The following ELFN2 variants were observed in gnomAD, a reference collection of about 807,000 sequenced individuals.
ELFN2 encodes the protein extracellular leucine rich repeat and fibronectin type III domain containing 2, also known as protein phosphatase 1 regulatory subunit 29.
A neutral mutation model predicts 45.5 loss-of-function variants in ELFN2; 17 were observed. The observed-to-expected ratio is 0.37, with a 90% CI of 0.26 to 0.56. The LOEUF is 0.56. Among genes scored for constraint, ELFN2 ranks in the 20% least tolerant of loss-of-function variants. The pLI is 0.77. For missense variants in ELFN2, 922 were observed against 1,183.2 expected (o/e 0.78, Z 3.24); for synonymous variants, 550 against 551.5 (o/e 1.00, Z 0.04).
At chr22:37,413,938 C>A (rs567818035) in intron 2 of ELFN2, among the ~76,000 whole-genome samples, 1 of 152,350 alleles carries the variant, frequency 6.6e-6, no homozygotes, top group Admixed American at 6.5e-5. Context: ...GAAGACAGCA[C>A]TGGACCTCGA....
At chr22:37,349,493 C>T (rs995873184) in intron 1 of ELFN2, among the ~76,000 whole-genome samples, 18 of 151,358 alleles carry the variant, frequency 1.2e-4, no homozygotes, top group African/African-American at 4.3e-4. Context: ...AGCGTCTGCT[C>T]CCTCCTACAG....
chr22:37,401,725 C>T (rs1411608673), intron 2 of ELFN2, among the ~76,000 whole-genome samples: 2 of 152,210 alleles, frequency 1.3e-5, no homozygotes, highest in Non-Finnish European at 2.9e-5. Flanking sequence ...CCCGGCAGCC[C>T]TCCCTTTAAT....
At chr22:37,386,851 G>A (rs1043845777) in intron 2 of ELFN2, among the ~76,000 whole-genome samples, 3 of 152,120 alleles carry the variant, frequency 2.0e-5, no homozygotes, top group Non-Finnish European at 2.9e-5. Flanking sequence ...CATTCAGCTC[G>A]AATCCAGGCT....
intron 1 of ELFN2, among the ~76,000 whole-genome samples, chr22:37,355,411 C>T (rs61430327): frequency 0.053 from 8,030 of 152,304 alleles, 750 homozygotes; most frequent in African/African-American, 0.18. Context: ...TCACAGCCCA[C>T]ACCTGACCTG....
At chr22:37,416,605 G>A (rs1029377955) in intron 2 of ELFN2, among the ~76,000 whole-genome samples, 2 of 152,134 alleles carry the variant, frequency 1.3e-5, no homozygotes, top group African/African-American at 4.8e-5. Flanking sequence ...GGGCTGGGTG[G>A]AGGCACTGGG....
rs133723 is a variant in ELFN2 at position 37,425,870 on chromosome 22, T to TACACACACACAC, written c.-614+1416_-614+1427dup. 6.9e-3 allele frequency among the ~76,000 whole-genome samples: 1,013 copies of TACACACACACAC among 145,770 alleles called. 8 individuals carry two copies. Among genetic ancestry groups the TACACACACACAC allele is most frequent in the Middle Eastern group, 0.032 (9 of 282 alleles). ...GGGGTGTCAGCCATGCACATACACA[T>TACACACACACAC]ACACACACACACACACACACACACA... On this transcript the variant is annotated intron_variant, in intron 1 of 2. Coordinates refer to ENST00000402918, the MANE Select transcript of ELFN2 (RefSeq NM_052906.5).
At chr22:37,416,277 C>A (rs1932758999) in intron 2 of ELFN2, among the ~76,000 whole-genome samples, 1 of 152,176 alleles carries the variant, frequency 6.6e-6, no homozygotes, top group Admixed American at 6.5e-5. Context: ...GAGAGACAGG[C>A]TCCCCCAGGG....
intron 2 of ELFN2, among the ~76,000 whole-genome samples, chr22:37,380,871 C>A (rs1931740800): frequency 6.6e-6 from 1 of 152,196 alleles, no homozygotes. Context: ...CTGCCTAGAG[C>A]TCCTTGGAGC....
intron 1 of ELFN2, among the ~76,000 whole-genome samples, chr22:37,345,431 C>A (rs1166888513): frequency 6.6e-6 from 1 of 152,190 alleles, no homozygotes; most frequent in Non-Finnish European, 1.5e-5. Context: ...GCATTAATAA[C>A]AACCCCTGCC....
intron 2 of ELFN2, among the ~76,000 whole-genome samples, chr22:37,414,620 T>C (rs1932732079): frequency 6.6e-6 from 1 of 152,174 alleles, no homozygotes; most frequent in African/African-American, 2.4e-5. Context: ...AAAGTAACCC[T>C]GCTTCCATTA....
chr22:37,378,079 T>G (rs977370880), intron 2 of ELFN2, among the ~76,000 whole-genome samples: 1 of 152,204 alleles, frequency 6.6e-6, no homozygotes, highest in Non-Finnish European at 1.5e-5. Flanking sequence ...ACCGCATTTG[T>G]ATGCAGGTGC....
intron 2 of ELFN2, among the ~76,000 whole-genome samples, chr22:37,390,100 C>T (rs767310410): frequency 1.1e-4 from 16 of 152,216 alleles, no homozygotes; most frequent in Non-Finnish European, 1.5e-4. Flanking sequence ...AGTCACACTG[C>T]GGCAGGGCCT....
intron 1 of ELFN2, among the ~76,000 whole-genome samples, chr22:37,343,537 C>T (rs1930612391): frequency 1.3e-5 from 2 of 152,122 alleles, no homozygotes; most frequent in Admixed American, 6.5e-5. Context: ...CCTCCTCCGC[C>T]TCCACCTTGG....
chr22:37,385,931 T>A (rs1315754090), intron 2 of ELFN2, among the ~76,000 whole-genome samples: 2 of 152,172 alleles, frequency 1.3e-5, no homozygotes, highest in Non-Finnish European at 2.9e-5. Flanking sequence ...TCCTGTGTCT[T>A]GGCCTCTGTG....
At chr22:37,345,547 CTTTTTT>C (rs3041585) in intron 1 of ELFN2, among the ~76,000 whole-genome samples, 4 of 134,938 alleles carry the variant, frequency 3.0e-5, no homozygotes, top group Admixed American at 7.3e-5. Context: ...TTGTTGTTGT[CTTTTTT>C]TTTTTTTTTT....
rs147268220 is a variant in ELFN2, at chr22:37,374,689, C to T, written c.846G>A (p.Ser282=). The T allele has an allele frequency of 6.8e-6, 11 of 1,611,688 alleles. No homozygotes were observed. The highest frequency in any genetic ancestry group is 2.2e-5 in the South Asian group (2 of 91,044). The change falls in exon 3 of 3, where the codon TCG becomes TCA. Residue 282 remains serine (S), a synonymous_variant. Coordinates refer to ENST00000402918, the MANE Select transcript of ELFN2 (RefSeq NM_052906.5). ...NSGFNPDEIL[S]VEPPASSTTD... ...TGGTGGACGAGGCCGGCGGCTCCAC[C>T]GAAAGGATCTCGTCGGGGTTGAAGC...
intron 1 of ELFN2, among the ~76,000 whole-genome samples, chr22:37,361,532 C>T (rs556493338): frequency 6.6e-6 from 1 of 152,232 alleles, no homozygotes; most frequent in Admixed American, 6.5e-5. Flanking sequence ...CCTGCCCAGA[C>T]ACAAAACAGC....
intron 2 of ELFN2, among the ~76,000 whole-genome samples, chr22:37,414,770 A>T (rs1463380440): frequency 6.6e-6 from 1 of 152,128 alleles, no homozygotes; most frequent in Non-Finnish European, 1.5e-5. Context: ...CTCACTTACA[A>T]AGGGCACTCA....
chr22:37,355,772 T>A (rs4821640), intron 1 of ELFN2, among the ~76,000 whole-genome samples: 1 of 151,748 alleles, frequency 6.6e-6, no homozygotes, highest in Non-Finnish European at 1.5e-5. Context: ...GCAAGAGAGG[T>A]TGCCTTTGTG....
Sources: allele counts gnomAD v4.1 joint callset (sites outside exome capture counted in the v4.1 genomes callset), GRCh38; gene constraint gnomAD v4.1.1; transcripts MANE v1.5; gene names NCBI Gene and HGNC (gene_info 2026-07-23, HGNC 2026-07-21).